Variants in SETBP1 observed in about 807,000 individuals in gnomAD.
The protein encoded by SETBP1 is SET-binding protein.
Under a neutral mutation model 101.0 loss-of-function variants are expected in SETBP1, and 9 were observed. The observed-to-expected ratio is 0.09, with a 90% confidence interval of 0.05 to 0.16. SETBP1 has a LOEUF of 0.16. SETBP1 is among the 10% of genes least tolerant of loss of function. The pLI is 1.00. For missense variants in SETBP1, 1,858 were observed against 2,033.8 expected (o/e 0.91, Z 1.66); for synonymous variants, 818 against 788.5 (o/e 1.04, Z -0.63).
intron 4 of SETBP1, among the ~76,000 whole-genome samples, chr18:44,959,416 T>C (rs1226241099): frequency 6.6e-6 from 1 of 152,210 alleles, no homozygotes; most frequent in African/African-American, 2.4e-5. Flanking sequence ...CCAAGTTGTC[T>C]GAATTCAAGG....
intron 2 of SETBP1, among the ~76,000 whole-genome samples, chr18:44,786,755 C>A (rs1262326848): frequency 1.3e-5 from 2 of 152,158 alleles, no homozygotes; most frequent in Non-Finnish European, 2.9e-5. Flanking sequence ...TTTCTCTCCT[C>A]CTCCAAGAAC....
intron 3 of SETBP1, among the ~76,000 whole-genome samples, chr18:44,946,056 T>A (rs2071199014): frequency 6.6e-6 from 1 of 152,234 alleles, no homozygotes; most frequent in Admixed American, 6.5e-5. Context: ...TGTAATGGGA[T>A]ATAGCTATCA....
intron 2 of SETBP1, among the ~76,000 whole-genome samples, chr18:44,829,571 C>A (rs1700038344): frequency 6.6e-6 from 1 of 152,196 alleles, no homozygotes; most frequent in Non-Finnish European, 1.5e-5. Flanking sequence ...GGCAACATGA[C>A]ATTTTTAATC....
intron 3 of SETBP1, among the ~76,000 whole-genome samples, chr18:44,881,679 A>G (rs1264275919): frequency 2.0e-5 from 3 of 152,332 alleles, no homozygotes; most frequent in East Asian, 3.9e-4. Flanking sequence ...CTAAAGGCTT[A>G]GAGCTCTGAA....
intron 2 of SETBP1, among the ~76,000 whole-genome samples, chr18:44,759,785 A>G (rs868861240): frequency 2.6e-5 from 4 of 152,224 alleles, no homozygotes; most frequent in Non-Finnish European, 5.9e-5. Flanking sequence ...GCTGTATGCA[A>G]TGGCTTTAAA....
At chr18:45,023,432 T>G (rs118100126) in intron 4 of SETBP1, among the ~76,000 whole-genome samples, 3 of 152,326 alleles carry the variant, frequency 2.0e-5, no homozygotes, top group Non-Finnish European at 4.4e-5. Flanking sequence ...TTTCTTATAT[T>G]TTACAGTCCC....
rs539962789 is a variant in SETBP1 at position 44,706,015 on chromosome 18, T to A, written c.486+4183T>A. Among the ~76,000 whole-genome samples, 7 of 152,260 alleles carry A rather than the reference T, an allele frequency of 4.6e-5. No individual in the cohort carries two copies. In the South Asian group the frequency reaches 1.5e-3, roughly 32 times the overall value. On this transcript the variant is annotated intron_variant, in intron 2 of 5. Transcript: ENST00000649279. ...ATTTGGGAGAGGGCCTATGATGGATTTACATGCTTTACATGAGGTGTGAAA... is the reference window on the plus strand; with the variant it reads ...ATTTGGGAGAGGGCCTATGATGGATATACATGCTTTACATGAGGTGTGAAA...
chr18:45,012,030 A>T (rs1483121055), intron 4 of SETBP1, among the ~76,000 whole-genome samples: 2 of 152,210 alleles, frequency 1.3e-5, no homozygotes, highest in Non-Finnish European at 2.9e-5. Flanking sequence ...TAGAAGAGGG[A>T]CTTCTTCATA....
At chr18:44,899,486 C>A (rs1401106351) in intron 3 of SETBP1, among the ~76,000 whole-genome samples, 2 of 152,116 alleles carry the variant, frequency 1.3e-5, no homozygotes, top group African/African-American at 4.8e-5. Flanking sequence ...TATGGTCAGC[C>A]ATGTAGGAGA....
At chr18:44,983,108 C>T (rs189035649) in intron 4 of SETBP1, among the ~76,000 whole-genome samples, 1 of 152,044 alleles carries the variant, frequency 6.6e-6, no homozygotes, top group African/African-American at 2.4e-5. Flanking sequence ...GAAGCCAGGC[C>T]AATTGAGTAA....
chr18:44,823,356 A>G (rs1310355530), intron 2 of SETBP1, among the ~76,000 whole-genome samples: 1 of 152,240 alleles, frequency 6.6e-6, no homozygotes, highest in Non-Finnish European at 1.5e-5. Flanking sequence ...ATCCATCTGA[A>G]GGAAAATACC....
chr18:45,039,863 A>T (rs1342772850), intron 5 of SETBP1, among the ~76,000 whole-genome samples: 1 of 152,224 alleles, frequency 6.6e-6, no homozygotes, highest in African/African-American at 2.4e-5. Context: ...AGAAAGAAAC[A>T]CTTGGAATGA....
intron 2 of SETBP1, among the ~76,000 whole-genome samples, chr18:44,800,133 G>A (rs971832365): frequency 5.7e-4 from 87 of 152,246 alleles, no homozygotes; most frequent in African/African-American, 2.0e-3. Context: ...TCAGGCTGGT[G>A]GTTGTCAGTG....
intron 3 of SETBP1, among the ~76,000 whole-genome samples, chr18:44,885,778 G>C (rs185735134): frequency 1.4e-5 from 2 of 145,392 alleles, no homozygotes; most frequent in African/African-American, 5.1e-5. Flanking sequence ...ACCCTGGATC[G>C]TGTGTAGACA....
intron 5 of SETBP1, among the ~76,000 whole-genome samples, chr18:45,054,633 C>G (rs186758019): frequency 1.3e-5 from 2 of 152,294 alleles, no homozygotes; most frequent in East Asian, 3.9e-4. Context: ...TTTGCTGGTT[C>G]TCTTATTTCT....
rs546876266 is a variant in SETBP1 at position 44,953,356 on chromosome 18, T to A, written c.4000+16T>A. Reference sequence around the variant, plus strand: ...ATGTCTCCAGGTAAGGCTGTTTTTCTTCAGAAATGGATTATCAAGTTATTT... The same window carrying A: ...ATGTCTCCAGGTAAGGCTGTTTTTCATCAGAAATGGATTATCAAGTTATTT... On this transcript the variant is annotated intron_variant, in intron 4 of 5. Transcript: ENST00000649279. 1.3e-5 allele frequency: 21 copies of A among 1,604,962 alleles called. No homozygotes were observed. The highest frequency in any genetic ancestry group is 1.7e-5 in the Non-Finnish European group (20 of 1,172,796).
Position 44,792,985 on chromosome 18 carries a change from C to T in SETBP1, c.487-76245C>T, listed in dbSNP as rs1434690996. Among the ~76,000 whole-genome samples the T allele has an allele frequency of 4.6e-5, 7 of 152,294 alleles. No homozygotes were observed. In the East Asian group the frequency reaches 1.2e-3, roughly 25 times the overall value. On this transcript the variant is annotated intron_variant, in intron 2 of 5. Transcript: ENST00000649279. ...TGAGAATGCAAGAGCCTTCCAACTACGAGTGGTCCTGTTGGATTCTCCTTC... is the reference window on the plus strand; with the variant it reads ...TGAGAATGCAAGAGCCTTCCAACTATGAGTGGTCCTGTTGGATTCTCCTTC...
At chr18:44,943,916 C>T (rs1369208991) in intron 3 of SETBP1, among the ~76,000 whole-genome samples, 1 of 151,520 alleles carries the variant, frequency 6.6e-6, no homozygotes, top group Non-Finnish European at 1.5e-5. Flanking sequence ...CTCATGGCAA[C>T]CTCCACTTCC....
chr18:44,861,151 C>T (rs1301665209), intron 2 of SETBP1, among the ~76,000 whole-genome samples: 1 of 152,080 alleles, frequency 6.6e-6, no homozygotes, highest in African/African-American at 2.4e-5. Context: ...TCACAATCCC[C>T]AAGGCCCTTC....
Sources: allele counts gnomAD v4.1 joint callset (sites outside exome capture counted in the v4.1 genomes callset), GRCh38; gene constraint gnomAD v4.1.1; transcripts MANE v1.5; gene names NCBI Gene and HGNC (gene_info 2026-07-23, HGNC 2026-07-21).